BARD1: variants seen among roughly 807,000 people sequenced by gnomAD.
The protein encoded by BARD1 is BRCA1 associated RING domain 1.
In BARD1, 73 loss-of-function variants were observed where a neutral mutation model predicts 77.0. The observed-to-expected ratio is 0.95, with a 90% CI of 0.79 to 1.15. The LOEUF (loss-of-function observed/expected upper bound fraction) is 1.15. Among genes scored for constraint, BARD1 ranks in the 50% most tolerant of loss-of-function variants. The pLI is 0.00. For synonymous variants in BARD1, 384 were observed against 338.0 expected (o/e 1.14, Z -1.49); for missense variants, 993 against 938.8 (o/e 1.06, Z -0.75).
Position 214,737,537 on chromosome 2 carries a change from G to A in BARD1, c.1904-7029C>T, listed in dbSNP as rs114945966. The stretch of plus-strand genomic sequence containing the variant: ...CTGAAACTGTGAGTTTCAGAATGAT[G>A]ACCTACTCCGGAGACAATACCACAG... On this transcript the variant is annotated intron_variant, in intron 9 of 10. Coordinates refer to ENST00000260947, the MANE Select transcript of BARD1 (RefSeq NM_000465.4). 2.6e-3 allele frequency among the ~76,000 whole-genome samples: 391 copies of A among 152,208 alleles called. 2 individuals are homozygous for A. The highest frequency in any genetic ancestry group is 8.8e-3 in the African/African-American group (364 of 41,540).
At chr2:214,778,966 A>G (rs940362155) in intron 4 of BARD1, among the ~76,000 whole-genome samples, 14 of 152,218 alleles carry the variant, frequency 9.2e-5, no homozygotes, top group African/African-American at 3.4e-4. Context: ...AACAAAAATA[A>G]TCATTACACT....
At chr2:214,753,214 G>A (rs1240124374) in intron 6 of BARD1, among the ~76,000 whole-genome samples, 1 of 152,094 alleles carries the variant, frequency 6.6e-6, no homozygotes. Context: ...AAAAAAGAGA[G>A]AAGAACAAGT....
intron 4 of BARD1, among the ~76,000 whole-genome samples, chr2:214,769,896 G>A (rs1405595897): frequency 6.6e-6 from 1 of 152,130 alleles, no homozygotes; most frequent in Non-Finnish European, 1.5e-5. Context: ...CAAAGATCAT[G>A]TGCTCACAAT....
chr2:214,738,764 G>C (rs1196940411), intron 9 of BARD1, among the ~76,000 whole-genome samples: 1 of 152,130 alleles, frequency 6.6e-6, no homozygotes, highest in Admixed American at 6.5e-5. Context: ...GTCCAAAGGA[G>C]GAGACGATTA....
intron 4 of BARD1, among the ~76,000 whole-genome samples, chr2:214,772,362 CCA>C (rs1694541500): frequency 1.3e-5 from 2 of 152,100 alleles, no homozygotes; most frequent in South Asian, 4.2e-4. Flanking sequence ...ACTGCCAGAA[CCA>C]CACACATTCC....
intron 3 of BARD1, among the ~76,000 whole-genome samples, chr2:214,790,598 GTT>G (rs1162048620): frequency 6.6e-6 from 1 of 152,128 alleles, no homozygotes; most frequent in Non-Finnish European, 1.5e-5. Flanking sequence ...AATATCTGTT[GTT>G]TAAGCCACTC....
chr2:214,728,919 T>C lies in BARD1; in HGVS notation c.2091A>G (p.Ala697=), dbSNP rs786201573. 6.2e-7 allele frequency: 1 copy of C among 1,614,088 alleles called. No individual in the cohort carries two copies. Among genetic ancestry groups the C allele is most frequent in the African/African-American group, 1.3e-5 (1 of 74,920 alleles). ...TTCTACTGAGGATCTGGCCCCCACCTGCAGTGACGAGCTTAATAAGGTTGT... is the reference window on the plus strand; with the variant it reads ...TTCTACTGAGGATCTGGCCCCCACCCGCAGTGACGAGCTTAATAAGGTTGT... The part of the protein sequence containing the change: ...PKDNLIKLVT[A]GGGQILSRKP... The change falls in exon 11 of 11, where the codon GCA becomes GCG. Residue 697 remains alanine, a synonymous_variant. Transcript: ENST00000260947.
intron 2 of BARD1, 53 bp from the exon 3 acceptor site, chr2:214,792,498 T>G: frequency 6.8e-7 from 1 of 1,480,788 alleles, no homozygotes; most frequent in Non-Finnish European, 9.0e-7. Context: ...CAGAATTTAA[T>G]TCCAAAAACT....
chr2:214,756,742 T>C (rs755613531), intron 6 of BARD1, among the ~76,000 whole-genome samples: 3 of 152,114 alleles, frequency 2.0e-5, no homozygotes, highest in African/African-American at 7.2e-5. Flanking sequence ...AAATCAAACA[T>C]TGTATGTTCT....
chr2:214,783,529 A>G (rs978899931), intron 3 of BARD1, among the ~76,000 whole-genome samples: 1 of 152,134 alleles, frequency 6.6e-6, no homozygotes, highest in Admixed American at 6.6e-5. Context: ...ACATGGACAC[A>G]GGGAGGAGAA....
chr2:214,808,716 T>A (rs6715570), intron 1 of BARD1, among the ~76,000 whole-genome samples: 3 of 151,692 alleles, frequency 2.0e-5, no homozygotes, highest in Admixed American at 2.0e-4. Context: ...GTAACACTCA[T>A]GAAAATGTCT....
rs559916545 is a variant in BARD1, at chr2:214,726,559, C to T, written c.*2117G>A. The T allele has an allele frequency of 8.8e-6, 2 of 228,380 alleles. No individual in the cohort carries two copies. The highest frequency in any genetic ancestry group is 3.6e-4 in the South Asian group (2 of 5,494). The allele number at this position is 228,380 out of a possible 1,614,324, so 14.1% of individuals were successfully genotyped here. A position where few individuals can be genotyped will look rare whatever the true frequency, so the allele number is the denominator to read the frequency against. ...AGATAAGCTTTTGTTAGTTAATAGA[C>T]TTCCTCACCAAGTCATGTTGAGCCT... On this transcript the variant is annotated 3_prime_UTR_variant, in exon 11 of 11. Transcript: ENST00000260947.
At position 214,792,150 on chromosome 2, in the gene BARD1, T is replaced by TAA. The variant is rs536345234; in HGVS notation, c.364+145_364+146dup. 0.042 allele frequency: 23,568 copies of TAA among 561,654 alleles called. 221 individuals are homozygous for TAA. Among genetic ancestry groups the TAA allele is most frequent in the Admixed American group, 0.071 (1,651 of 23,332 alleles). The allele number at this position is 561,654 out of a possible 1,614,324, so 34.8% of individuals were successfully genotyped here. A position where few individuals can be genotyped will look rare whatever the true frequency, so the allele number is the denominator to read the frequency against. ...AACATAGAGAGACTCAATGGCTATT[T>TAA]AAAAAAAAAAAAAAAAAACCTACAG... On this transcript the variant is annotated intron_variant, in intron 3 of 10. Coordinates refer to ENST00000260947, the MANE Select transcript of BARD1 (RefSeq NM_000465.4).
At chr2:214,807,003 C>G (rs1343162056) in intron 1 of BARD1, among the ~76,000 whole-genome samples, 1 of 151,966 alleles carries the variant, frequency 6.6e-6, no homozygotes, top group African/African-American at 2.4e-5. Context: ...TGGGCCAAAC[C>G]AAGCCAGCAG....
intron 3 of BARD1, among the ~76,000 whole-genome samples, chr2:214,783,698 C>T (rs1020224038): frequency 1.3e-5 from 2 of 151,876 alleles, no homozygotes; most frequent in Non-Finnish European, 2.9e-5. Flanking sequence ...CAGAACAAAG[C>T]CCTCAGAAAT....
intron 3 of BARD1, among the ~76,000 whole-genome samples, chr2:214,787,023 A>T (rs376039618): frequency 3.9e-5 from 6 of 152,098 alleles, no homozygotes; most frequent in Admixed American, 1.3e-4. Context: ...TCAGGATTAC[A>T]AAGTCATAAA....
intron 6 of BARD1, among the ~76,000 whole-genome samples, chr2:214,757,242 A>AT (rs547427856): frequency 4.0e-5 from 6 of 150,946 alleles, no homozygotes; most frequent in Non-Finnish European, 8.8e-5. Flanking sequence ...AAAGGCTCTA[A>AT]TTTTTTTTCT....
At chr2:214,773,768 T>C (rs759247924) in intron 4 of BARD1, among the ~76,000 whole-genome samples, 11 of 152,186 alleles carry the variant, frequency 7.2e-5, no homozygotes, top group Non-Finnish European at 1.2e-4. Flanking sequence ...GCTGAAGGTT[T>C]GGGTGGTTGT....
intron 5 of BARD1, among the ~76,000 whole-genome samples, chr2:214,768,017 A>G (rs1169031945): frequency 1.3e-5 from 2 of 152,344 alleles, no homozygotes; most frequent in East Asian, 3.9e-4. Context: ...ATGATACATA[A>G]AATCTGTACC....
Sources: gnomAD v4.1 joint callset for allele counts (sites outside exome capture counted in the v4.1 genomes callset) on GRCh38, gnomAD v4.1.1 for gene constraint, MANE v1.5 for transcripts, NCBI Gene and HGNC (gene_info 2026-07-23, HGNC 2026-07-21) for gene names.